Variants in ERAP1 observed in about 807,000 individuals in gnomAD.
The protein encoded by ERAP1 is adipocyte-derived leucine aminopeptidase.
Under a neutral mutation model 103.7 loss-of-function variants are expected in ERAP1, and 86 were observed. That is an observed-to-expected ratio of 0.83 (90% confidence interval 0.70 to 0.99). ERAP1 has a LOEUF of 0.99. Among genes scored for constraint, ERAP1 ranks in the 50% least tolerant of loss-of-function variants. The pLI is 0.00. For missense variants in ERAP1, 1,009 were observed against 1,128.4 expected (o/e 0.89, Z 1.52); for synonymous variants, 398 against 402.4 (o/e 0.99, Z 0.13).
At chr5:96,841,547 C>A in the ERAP1 span, among the ~76,000 whole-genome samples, 69 of 152,292 alleles carry the variant, frequency 4.5e-4, 1 homozygote, top group African/African-American at 1.5e-3. Context: ...CACCCCCCCA[C>A]AATGCCCACA....
chr5:96,794,362 TG>T (rs138966740), intron 5 of ERAP1, among the ~76,000 whole-genome samples: 16,783 of 151,738 alleles, frequency 0.11, 1,218 homozygotes, highest in Admixed American at 0.2. Flanking sequence ...CTAATATTTT[TG>T]TACTTTTGTG....
chr5:96,867,641 T>C, the ERAP1 span, among the ~76,000 whole-genome samples: 1 of 152,160 alleles, frequency 6.6e-6, no homozygotes, highest in African/African-American at 2.4e-5. Context: ...CCTCATAGCC[T>C]CATGGCAGGT....
intron 1 of ERAP1, among the ~76,000 whole-genome samples, chr5:96,806,446 G>T (rs1277153957): frequency 1.3e-5 from 2 of 152,138 alleles, no homozygotes; most frequent in Admixed American, 1.3e-4. Context: ...CCTCCAAAGT[G>T]CCAGGCACTT....
At chr5:96,899,406 A>G in the ERAP1 span, among the ~76,000 whole-genome samples, 8 of 152,242 alleles carry the variant, frequency 5.3e-5, no homozygotes, top group African/African-American at 1.9e-4. Flanking sequence ...CCATTGTGTC[A>G]CATAAAGTCA....
the ERAP1 span, among the ~76,000 whole-genome samples, chr5:96,891,651 T>TC: frequency 6.6e-6 from 1 of 151,626 alleles, no homozygotes; most frequent in African/African-American, 2.4e-5. Context: ...TTGCACTTTT[T>TC]CCCCCCACAA....
the ERAP1 span, among the ~76,000 whole-genome samples, chr5:96,860,092 C>T: frequency 6.6e-6 from 1 of 152,122 alleles, no homozygotes; most frequent in Non-Finnish European, 1.5e-5. Context: ...GAGAGAGTCT[C>T]ACTCTGTTGA....
At chr5:96,771,163 T>C (rs1772159931), downstream of ERAP1, among the ~76,000 whole-genome samples, 1 of 152,202 alleles carries the variant, frequency 6.6e-6, no homozygotes, top group Non-Finnish European at 1.5e-5. Context: ...GAAACAGCAT[T>C]GATAATTGGC....
the ERAP1 span, among the ~76,000 whole-genome samples, chr5:96,906,881 A>C: frequency 6.6e-6 from 1 of 152,144 alleles, no homozygotes; most frequent in Non-Finnish European, 1.5e-5. Context: ...AAATTATAAA[A>C]ATTAGCTGGG....
chr5:96,820,895 A>G, the ERAP1 span, among the ~76,000 whole-genome samples: 3 of 152,168 alleles, frequency 2.0e-5, no homozygotes, highest in Non-Finnish European at 4.4e-5. Context: ...TACTCTGGAG[A>G]CTTCTCTTGA....
Position 96,775,477 on chromosome 5 carries a change from T to TTGAA in ERAP1, c.*915_*918dup. 1.0e-6 allele frequency: 1 copy of TTGAA among 985,548 alleles called. No homozygotes were observed. The highest frequency in any genetic ancestry group is 5.2e-4 in the Middle Eastern group (1 of 1,914). 61.1% of individuals were successfully genotyped at this position (985,548 alleles called of 1,614,324 possible). The stretch of plus-strand genomic sequence containing the variant: ...CTAAGAAAAGGGTTTTCCTACAGAC[T>TTGAA]TGAATGCACTCTGCTTTTTCAGAAG... On this transcript the variant is annotated 3_prime_UTR_variant, in exon 19 of 19. Coordinates refer to ENST00000443439, the MANE Select transcript of ERAP1 (RefSeq NM_001040458.3).
downstream of ERAP1, chr5:96,770,486 T>A (rs371166608): frequency 1.6e-6 from 2 of 1,223,852 alleles, no homozygotes; most frequent in Non-Finnish European, 1.2e-6. Context: ...AATTGCTAGA[T>A]GGATTGGTGA....
the ERAP1 span, among the ~76,000 whole-genome samples, chr5:96,881,764 A>G: frequency 6.6e-6 from 1 of 152,148 alleles, no homozygotes; most frequent in Admixed American, 6.5e-5. Context: ...AGGCAGGAAG[A>G]AGGGGGACAC....
the ERAP1 span, chr5:96,895,189 A>T: frequency 1.9e-6 from 2 of 1,044,742 alleles, no homozygotes; most frequent in Admixed American, 2.4e-5. Context: ...ATTTTTTGCT[A>T]AAGTTAATAA....
chr5:96,781,265 T>A, intron 16 of ERAP1, 67 bp from the exon 17 acceptor site: 1 of 1,507,306 alleles, frequency 6.6e-7, no homozygotes, highest in Non-Finnish European at 9.1e-7. Flanking sequence ...ATCACTGCAA[T>A]AAAATTACTT....
chr5:96,903,076 G>T, the ERAP1 span, among the ~76,000 whole-genome samples: 1 of 152,056 alleles, frequency 6.6e-6, no homozygotes, highest in Non-Finnish European at 1.5e-5. Context: ...CCAAATTCCC[G>T]TCATGCTAGT....
the ERAP1 span, among the ~76,000 whole-genome samples, chr5:96,858,856 G>A: frequency 1.3e-5 from 2 of 152,170 alleles, no homozygotes; most frequent in African/African-American, 2.4e-5. Flanking sequence ...AAGAGGAACA[G>A]TGTGGAACAT....
the ERAP1 span, among the ~76,000 whole-genome samples, chr5:96,908,764 G>T: frequency 6.6e-6 from 1 of 152,132 alleles, no homozygotes; most frequent in Non-Finnish European, 1.5e-5. Flanking sequence ...TATAAAGAAG[G>T]CAATAGGTCC....
the ERAP1 span, among the ~76,000 whole-genome samples, chr5:96,855,474 A>T: frequency 2.0e-5 from 3 of 152,174 alleles, no homozygotes; most frequent in African/African-American, 4.8e-5. Context: ...AGAAAAGAAA[A>T]AAAACCCAGG....
Position 96,775,142 on chromosome 5 carries a change from C to T in ERAP1, c.*1254G>A. 1.0e-6 allele frequency: 1 copy of T among 985,494 alleles called. No homozygotes were observed. Among genetic ancestry groups the T allele is most frequent in the Non-Finnish European group, 1.2e-6 (1 of 829,924 alleles). The allele number at this position is 985,494 out of a possible 1,614,324, so 61.0% of individuals were successfully genotyped here. A position where few individuals can be genotyped will look rare whatever the true frequency, so the allele number is the denominator to read the frequency against. The stretch of plus-strand genomic sequence containing the variant: ...TAAAATCTAATTCTTAGGGTATTAA[C>T]TGACTTGACTTGAACTCCGTTGGTT... On this transcript the variant is annotated 3_prime_UTR_variant, in exon 19 of 19. Coordinates refer to ENST00000443439, the MANE Select transcript of ERAP1 (RefSeq NM_001040458.3).
Sources: allele counts gnomAD v4.1 joint callset (sites outside exome capture counted in the v4.1 genomes callset), GRCh38; gene constraint gnomAD v4.1.1; transcripts MANE v1.5; gene names NCBI Gene and HGNC (gene_info 2026-07-23, HGNC 2026-07-21).